Variants in RGS6 observed in about 807,000 individuals in gnomAD.
RGS6 encodes regulator of G-protein signaling 6.
A neutral mutation model predicts 78.5 loss-of-function variants in RGS6; 30 were observed. The observed-to-expected ratio is 0.38, with a 90% confidence interval of 0.29 to 0.52. The LOEUF (loss-of-function observed/expected upper bound fraction) is 0.52. Ranked by LOEUF, RGS6 falls within the 20% of genes least tolerant of loss-of-function variation. The probability of loss-of-function intolerance (pLI) is 0.85; values close to 1 mark genes in which losing one functional copy is unlikely to be tolerated. For missense variants in RGS6, 495 were observed against 609.7 expected (o/e 0.81, Z 1.98); for synonymous variants, 206 against 206.0 (o/e 1.00, Z 0.00).
At chr14:72,546,379 A>C (rs2097403454) in intron 17 of RGS6, among the ~76,000 whole-genome samples, 1 of 152,242 alleles carries the variant, frequency 6.6e-6, no homozygotes, top group Non-Finnish European at 1.5e-5. Flanking sequence ...CAGAGAAGAC[A>C]AAGTGGCTCC....
the RGS6 span, among the ~76,000 whole-genome samples, chr14:71,875,485 A>G: frequency 3.9e-5 from 6 of 151,914 alleles, no homozygotes; most frequent in Admixed American, 6.6e-5. Context: ...GGGATCGGTG[A>G]TGATATCCCC....
At chr14:72,539,615 G>A in intron 16 of RGS6, among the ~76,000 whole-genome samples, 1 of 152,168 alleles carries the variant, frequency 6.6e-6, no homozygotes, top group Non-Finnish European at 1.5e-5. Context: ...AGTCTGTTCT[G>A]TGTCAGGACT....
chr14:72,564,458 T>C lies in RGS6; in HGVS notation c.*1991T>C, dbSNP rs1298040835. 1 of 152,268 alleles carries C rather than the reference T, an allele frequency of 6.6e-6. No individual in the cohort carries two copies. The highest frequency in any genetic ancestry group is 1.5e-5 in the Non-Finnish European group (1 of 68,072). The allele number at this position is 152,268 out of a possible 1,614,324, so 9.4% of individuals were successfully genotyped here. ...GCCCCTTTCATCCTCTTTCTCTTTG[T>C]ATAAACCTCATGTTTCAGAACAAAA... is the stretch of plus-strand genomic sequence containing the variant. On this transcript the variant is annotated 3_prime_UTR_variant, in exon 18 of 18. Coordinates refer to ENST00000553525, the MANE Select transcript of RGS6 (RefSeq NM_001204424.2).
At chr14:72,400,817 A>G (rs2092303240) in intron 3 of RGS6, among the ~76,000 whole-genome samples, 1 of 152,148 alleles carries the variant, frequency 6.6e-6, no homozygotes. Context: ...GATCCTCCCT[A>G]GCAGCCCTAT....
intron 2 of RGS6, among the ~76,000 whole-genome samples, chr14:72,128,307 A>C (rs1237841766): frequency 6.6e-6 from 1 of 152,218 alleles, no homozygotes; most frequent in Non-Finnish European, 1.5e-5. Context: ...CCATAAATCA[A>C]AGTAGCTTGA....
At position 72,258,407 on chromosome 14, in the gene RGS6, G is replaced by A. The variant is rs532394657; in HGVS notation, c.85-93688G>A. 5.3e-5 allele frequency among the ~76,000 whole-genome samples: 8 copies of A among 152,208 alleles called. No individual in the cohort carries two copies. The East Asian group carries it at 5.8e-4, about 11-fold the overall frequency. ...TGAATGCCTTCAGAAGGAGCATGCT[G>A]TACTGCACAAGTGCGAGGGGCCTCA... On this transcript the variant is annotated intron_variant, in intron 2 of 17. Coordinates refer to ENST00000553525, the MANE Select transcript of RGS6 (RefSeq NM_001204424.2).
the RGS6 span, among the ~76,000 whole-genome samples, chr14:71,901,577 A>G: frequency 2.6e-5 from 4 of 152,126 alleles, no homozygotes; most frequent in Non-Finnish European, 5.9e-5. Flanking sequence ...GCTTTTTTAG[A>G]GACAATATAC....
intron 3 of RGS6, among the ~76,000 whole-genome samples, chr14:72,357,704 G>T (rs1460913092): frequency 6.6e-6 from 1 of 152,096 alleles, no homozygotes; most frequent in Non-Finnish European, 1.5e-5. Context: ...GACATCTCTG[G>T]ACACAAGAGA....
At chr14:71,908,468 T>C in the RGS6 span, 5 of 152,262 alleles carry the variant, frequency 3.3e-5, no homozygotes, top group African/African-American at 1.2e-4. Flanking sequence ...TCTACCTGAC[T>C]TTCTGCTCTC....
chr14:72,168,924 A>G (rs935606164), intron 2 of RGS6, among the ~76,000 whole-genome samples: 7 of 152,196 alleles, frequency 4.6e-5, no homozygotes, highest in African/African-American at 1.7e-4. Context: ...TCATGGCTAA[A>G]TGACTCCAAA....
chr14:72,454,593 AC>A lies in RGS6; in HGVS notation c.235+19del. ...TGAGGACCCAGGTACTTGACCTTTG[AC>A]CCCACCCTTATCTCCCCTGGTATCA... On this transcript the variant is annotated intron_variant, in intron 4 of 17. Coordinates refer to ENST00000553525, the MANE Select transcript of RGS6 (RefSeq NM_001204424.2). 6.2e-7 allele frequency: 1 copy of A among 1,611,710 alleles called. No homozygotes were observed. The highest frequency in any genetic ancestry group is 8.5e-7 in the Non-Finnish European group (1 of 1,178,254).
the RGS6 span, among the ~76,000 whole-genome samples, chr14:72,590,573 A>G: frequency 1.3e-5 from 2 of 152,230 alleles, no homozygotes; most frequent in Admixed American, 6.5e-5. Flanking sequence ...ACAGACAAAA[A>G]TAGTAGTCAC....
At chr14:71,918,869 T>C in the RGS6 span, among the ~76,000 whole-genome samples, 1 of 152,218 alleles carries the variant, frequency 6.6e-6, no homozygotes, top group Admixed American at 6.5e-5. Context: ...TTCTAAGATA[T>C]ACATTAAAAA....
chr14:72,334,593 C>T (rs1231744261), intron 2 of RGS6, among the ~76,000 whole-genome samples: 3 of 152,186 alleles, frequency 2.0e-5, no homozygotes, highest in East Asian at 1.9e-4. Flanking sequence ...GAGGGATGTC[C>T]GCCTGAAACA....
rs185671222 is a variant in RGS6 at position 72,271,132 on chromosome 14, T to G, written c.85-80963T>G. Among the ~76,000 whole-genome samples, 35 of 152,292 alleles carry G rather than the reference T, an allele frequency of 2.3e-4. 1 individual carries two copies. In the East Asian group the frequency reaches 6.8e-3, roughly 29 times the overall value. On this transcript the variant is annotated intron_variant, in intron 2 of 17. Transcript: ENST00000553525. ...GAAATATTGTACCTCATTAATATTG[T>G]TCCTCTCGTTTCACCACTGTATTAA... is the stretch of plus-strand genomic sequence containing the variant.
At chr14:72,270,338 G>A (rs1273770712) in intron 2 of RGS6, among the ~76,000 whole-genome samples, 1 of 152,170 alleles carries the variant, frequency 6.6e-6, no homozygotes, top group East Asian at 1.9e-4. Flanking sequence ...AATCCTCTAG[G>A]GTAGGGAGAA....
At chr14:72,359,711 G>C (rs560704380) in intron 3 of RGS6, among the ~76,000 whole-genome samples, 1 of 152,308 alleles carries the variant, frequency 6.6e-6, no homozygotes, top group African/African-American at 2.4e-5. Context: ...TGGAGACAAG[G>C]AGGAAAAATC....
rs375041427 is a variant in RGS6 at position 72,003,172 on chromosome 14, T to C, written c.84+38297T>C. Among the ~76,000 whole-genome samples the C allele has an allele frequency of 4.7e-3, 716 of 152,312 alleles. 8 individuals carry two copies. The highest frequency in any genetic ancestry group is 0.017 in the African/African-American group (691 of 41,570). Reference sequence around the variant, plus strand: ...TCATTGTTCTATGGATTAGTAGAGCTGCGGCTACTATTTTACTTACCCACT... The same window carrying C: ...TCATTGTTCTATGGATTAGTAGAGCCGCGGCTACTATTTTACTTACCCACT... On this transcript the variant is annotated intron_variant, in intron 2 of 17. Transcript: ENST00000553525.
chr14:72,058,147 G>T (rs2093710876), intron 2 of RGS6, among the ~76,000 whole-genome samples: 1 of 151,174 alleles, frequency 6.6e-6, no homozygotes, highest in Non-Finnish European at 1.5e-5. Flanking sequence ...TGCAGAAGGT[G>T]TGCCTGCAAT....
Sources: gnomAD v4.1 joint callset for allele counts (sites outside exome capture counted in the v4.1 genomes callset) on GRCh38, gnomAD v4.1.1 for gene constraint, MANE v1.5 for transcripts, NCBI Gene and HGNC (gene_info 2026-07-23, HGNC 2026-07-21) for gene names.